The following PLXNC1 variants were observed in gnomAD, a reference collection of about 807,000 sequenced individuals.
The protein encoded by PLXNC1 is plexin-C1.
A neutral mutation model predicts 178.2 loss-of-function variants in PLXNC1; 75 were observed. That is an observed-to-expected ratio of 0.42 (90% CI 0.35 to 0.51). PLXNC1 has a LOEUF of 0.51. Among genes scored for constraint, PLXNC1 ranks in the 20% least tolerant of loss-of-function variants. The pLI, the probability that PLXNC1 is intolerant of heterozygous loss-of-function variation, is 0.02. For missense variants in PLXNC1, 1,503 were observed against 1,984.4 expected (o/e 0.76, Z 4.61); for synonymous variants, 790 against 779.9 (o/e 1.01, Z -0.22).
In PLXNC1 at chr12:94,232,881, G is replaced by A. The variant is rs939953727; in HGVS notation, c.1981-4783G>A. Among the ~76,000 whole-genome samples, 6 of 152,138 alleles carry A rather than the reference G, an allele frequency of 3.9e-5. No homozygotes were observed. In the South Asian group the frequency reaches 1.0e-3, roughly 26 times the overall value. On this transcript the variant is annotated intron_variant, in intron 9 of 30. Transcript: ENST00000258526. The stretch of plus-strand genomic sequence containing the variant: ...TTAGCTCAGAGAGAGCAAATGGTAG[G>A]TAAGAAATATGAATCCAGGCAATCT...
intron 20 of PLXNC1, among the ~76,000 whole-genome samples, chr12:94,262,348 G>A (rs983044010): frequency 2.0e-5 from 3 of 152,238 alleles, no homozygotes; most frequent in African/African-American, 7.2e-5. Flanking sequence ...AATGACAGGC[G>A]TGTGTGGGCG....
chr12:94,209,758 G>A (rs150972256), intron 5 of PLXNC1, 54 bp downstream of exon 5: 94 of 1,071,564 alleles, frequency 8.8e-5, no homozygotes, highest in Admixed American at 8.2e-4. Context: ...TTTGCACAGC[G>A]GATGCTAAAT....
intron 1 of PLXNC1, 136 bp from the exon 2 acceptor site, chr12:94,169,017 A>G: frequency 2.6e-6 from 2 of 756,530 alleles, no homozygotes; most frequent in Non-Finnish European, 4.2e-6. Flanking sequence ...CGGGGAATCT[A>G]GTCTAAGAGA....
chr12:94,243,574 A>G (rs1964448921), intron 11 of PLXNC1, among the ~76,000 whole-genome samples: 2 of 152,250 alleles, frequency 1.3e-5, no homozygotes. Flanking sequence ...TAGATTAAAC[A>G]GTAATCAAAC....
At chr12:94,259,498 A>AATT in intron 18 of PLXNC1, 112 bp from the exon 19 acceptor site, 1 of 1,152,180 alleles carries the variant, frequency 8.7e-7, no homozygotes, top group Non-Finnish European at 1.2e-6. Flanking sequence ...TTGGATCATG[A>AATT]ATTCAATATT....
intron 4 of PLXNC1, among the ~76,000 whole-genome samples, chr12:94,208,438 G>A (rs1306253842): frequency 6.6e-6 from 1 of 152,182 alleles, no homozygotes; most frequent in Admixed American, 6.5e-5. Context: ...TTGAAAGAGA[G>A]AGAGAGTAGA....
chr12:94,214,474 T>C (rs983397402), intron 5 of PLXNC1, among the ~76,000 whole-genome samples: 33 of 152,214 alleles, frequency 2.2e-4, no homozygotes, highest in Non-Finnish European at 4.9e-4. Flanking sequence ...CCCTGTCCAC[T>C]GCAGTAATTC....
chr12:94,222,159 C>T (rs891004607), intron 6 of PLXNC1, among the ~76,000 whole-genome samples: 9 of 152,162 alleles, frequency 5.9e-5, no homozygotes, highest in African/African-American at 1.7e-4. Flanking sequence ...TTCATTAAAA[C>T]GCAGACCTTG....
At position 94,186,647 on chromosome 12, in the gene PLXNC1, G is replaced by A; in HGVS notation, c.1439+174G>A. On this transcript the variant is annotated intron_variant, in intron 4 of 30. Transcript: ENST00000258526. ...AATTCTCGAAGGTGTTTCCAGCGGC[G>A]TCCGTGCTATGCAATCACTGGACCC... 3 of 561,140 alleles carry A rather than the reference G, an allele frequency of 5.3e-6. No individual in the cohort carries two copies. The South Asian group carries it at 5.6e-5, about 10-fold the overall frequency. The allele number at this position is 561,140 out of a possible 1,614,324, so 34.8% of individuals were successfully genotyped here.
chr12:94,289,376 G>A (rs989309086), intron 23 of PLXNC1, among the ~76,000 whole-genome samples: 1 of 152,126 alleles, frequency 6.6e-6, no homozygotes, highest in African/African-American at 2.4e-5. Flanking sequence ...TTGTCACATC[G>A]AATCCTAGAA....
At chr12:94,256,843 C>CAA (rs1964856723) in intron 17 of PLXNC1, among the ~76,000 whole-genome samples, 3 of 70,922 alleles carry the variant, frequency 4.2e-5, no homozygotes, top group African/African-American at 6.0e-5. Flanking sequence ...TTGAGTGTTT[C>CAA]CAAAAAAAAA....
At chr12:94,157,010 A>C (rs76523582) in intron 1 of PLXNC1, among the ~76,000 whole-genome samples, 2,385 of 152,306 alleles carry the variant, frequency 0.016, 59 homozygotes, top group African/African-American at 0.054. Flanking sequence ...CTCCCACTGT[A>C]CATCTTAACA....
At chr12:94,198,839 C>T (rs1398507841) in intron 4 of PLXNC1, among the ~76,000 whole-genome samples, 1 of 152,190 alleles carries the variant, frequency 6.6e-6, no homozygotes, top group Non-Finnish European at 1.5e-5. Flanking sequence ...CTGGGACACC[C>T]TAAATCCAGG....
At chr12:94,155,515 T>G (rs1266465410) in intron 1 of PLXNC1, among the ~76,000 whole-genome samples, 1 of 152,228 alleles carries the variant, frequency 6.6e-6, no homozygotes, top group Non-Finnish European at 1.5e-5. Flanking sequence ...TGTCGCATTT[T>G]TTTTCCCCTT....
In PLXNC1 at chr12:94,149,275, G is replaced by C. The variant is rs768613283; in HGVS notation, c.304G>C (p.Gly102Arg). The C allele has an allele frequency of 1.2e-4, 178 of 1,519,280 alleles. No homozygotes were observed. The highest frequency in any genetic ancestry group is 3.9e-5 in the Non-Finnish European group (44 of 1,142,744). 94.1% of individuals were successfully genotyped at this position (1,519,280 alleles called of 1,614,324 possible). A position where few individuals can be genotyped will look rare whatever the true frequency, so the allele number is the denominator to read the frequency against. Residue 102 changes from glycine to arginine, a missense_variant, in exon 1 of 31, where the codon GGG becomes CGG. Coordinates refer to ENST00000258526, the MANE Select transcript of PLXNC1 (RefSeq NM_005761.3). The part of the protein sequence containing the change: ...SLAPPARPRP[G>R]SSFSKLLLPY... ...GGCGCCCCCCGCGCGGCCCCGGCCC[G>C]GGAGCAGCTTCAGCAAGCTGCTGCT...
intron 2 of PLXNC1, among the ~76,000 whole-genome samples, chr12:94,172,970 G>A (rs778812014): frequency 5.9e-5 from 9 of 152,012 alleles, no homozygotes; most frequent in Admixed American, 1.3e-4. Flanking sequence ...GAGCTCAAAG[G>A]GTCCTTTGAG....
intron 28 of PLXNC1, 25 bp from the exon 29 acceptor site, chr12:94,303,731 G>GTTTT: frequency 1.8e-6 from 2 of 1,113,692 alleles, no homozygotes; most frequent in Non-Finnish European, 2.3e-6. Context: ...GGTGATGGTT[G>GTTTT]CTTTTTTTTT....
rs184236976 is a variant in PLXNC1, at chr12:94,159,410, G to A, written c.1062+9377G>A. ...GTTGGGGTAAGTTCTCTTTAAGGAG[G>A]CCGAATTGACACCAGGAAGATAAGA... On this transcript the variant is annotated intron_variant, in intron 1 of 30. Coordinates refer to ENST00000258526, the MANE Select transcript of PLXNC1 (RefSeq NM_005761.3). Among the ~76,000 whole-genome samples the A allele has an allele frequency of 1.6e-4, 24 of 152,298 alleles. No homozygotes were observed. In the East Asian group the frequency reaches 4.6e-3, roughly 29 times the overall value.
rs186167747 is a variant in PLXNC1, at chr12:94,257,979, A to G, written c.3088-1358A>G. Among the ~76,000 whole-genome samples the G allele has an allele frequency of 8.0e-5, 12 of 150,666 alleles. No homozygotes were observed. In the East Asian group the frequency reaches 1.6e-3, roughly 20 times the overall value. Reference sequence around the variant, plus strand: ...GCGGAGGTTGCAGTGAGCCGAGATCACGCCACTGCACTCCAGCCTGGGCGA... The same window carrying G: ...GCGGAGGTTGCAGTGAGCCGAGATCGCGCCACTGCACTCCAGCCTGGGCGA... On this transcript the variant is annotated intron_variant, in intron 17 of 30. Transcript: ENST00000258526.
Sources: allele counts gnomAD v4.1 joint callset (sites outside exome capture counted in the v4.1 genomes callset), GRCh38; gene constraint gnomAD v4.1.1; transcripts MANE v1.5; gene names NCBI Gene and HGNC (gene_info 2026-07-23, HGNC 2026-07-21).